OSBPL6: variants seen among roughly 807,000 people sequenced by gnomAD.
OSBPL6 encodes oxysterol binding protein like 6.
A neutral mutation model predicts 125.8 loss-of-function variants in OSBPL6; 49 were observed. That is an observed-to-expected ratio of 0.39 (90% CI 0.31 to 0.49). The LOEUF is 0.49. OSBPL6 is among the 20% of genes least tolerant of loss of function. OSBPL6 has a pLI of 0.88. For synonymous variants in OSBPL6, 394 were observed against 391.8 expected (o/e 1.01, Z -0.07); for missense variants, 986 against 1,135.4 (o/e 0.87, Z 1.89).
In OSBPL6 at chr2:178,373,886, G is replaced by T; in HGVS notation, c.1396-4G>T. ...ATTACACTGTATGCTTCTGTCTTCT[G>T]CAGGCTGGTGAGCAAATCCATGTCA... is the stretch of plus-strand genomic sequence containing the variant. On this transcript the variant is annotated splice_region_variant and splice_polypyrimidine_tract_variant and intron_variant, in intron 14 of 24. Coordinates refer to ENST00000190611, the MANE Select transcript of OSBPL6 (RefSeq NM_032523.4). 6.2e-7 allele frequency: 1 copy of T among 1,613,916 alleles called. No homozygotes were observed. Among genetic ancestry groups the T allele is most frequent in the African/African-American group, 1.3e-5 (1 of 75,042 alleles).
chr2:178,289,468 A>T (rs1442708677), intron 2 of OSBPL6, among the ~76,000 whole-genome samples: 1 of 152,228 alleles, frequency 6.6e-6, no homozygotes, highest in African/African-American at 2.4e-5. Context: ...AGAAGTAGAC[A>T]TCATGTCATA....
rs150306670 is a variant in OSBPL6 at position 178,388,305 on chromosome 2, G to A, written c.2157-704G>A. On this transcript the variant is annotated intron_variant, in intron 20 of 24. Coordinates refer to ENST00000190611, the MANE Select transcript of OSBPL6 (RefSeq NM_032523.4). Reference sequence around the variant, plus strand: ...TCACATCTGAGGTCTTAAACCTGGAGTACAAAACAGTGTTCCCAGAGTGAT... The same window carrying A: ...TCACATCTGAGGTCTTAAACCTGGAATACAAAACAGTGTTCCCAGAGTGAT... Among the ~76,000 whole-genome samples the A allele has an allele frequency of 7.2e-5, 11 of 152,266 alleles. No homozygotes were observed. The East Asian group carries it at 2.1e-3, about 29-fold the overall frequency.
chr2:178,341,333 C>CT (rs60436384), intron 11 of OSBPL6, among the ~76,000 whole-genome samples: 12,029 of 117,352 alleles, frequency 0.1, 975 homozygotes, highest in African/African-American at 0.21. Flanking sequence ...CCAAATCATT[C>CT]TTTTTTTTTT....
At chr2:178,328,646 C>G (rs868326845) in intron 5 of OSBPL6, among the ~76,000 whole-genome samples, 2 of 152,090 alleles carry the variant, frequency 1.3e-5, no homozygotes, top group East Asian at 1.9e-4. Flanking sequence ...TGCCACCATG[C>G]CTGACTAATT....
chr2:178,214,688 G>A (rs1036175805), intron 1 of OSBPL6, among the ~76,000 whole-genome samples: 9 of 152,190 alleles, frequency 5.9e-5, no homozygotes, highest in African/African-American at 2.2e-4. Context: ...GCTCATGCCT[G>A]TAATCCCAGC....
At chr2:178,392,933 A>T (rs746213118) in intron 23 of OSBPL6, among the ~76,000 whole-genome samples, 1 of 151,134 alleles carries the variant, frequency 6.6e-6, no homozygotes, top group African/African-American at 2.4e-5. Flanking sequence ...TACTACCATC[A>T]TGTATTTTTA....
chr2:178,247,515 C>G (rs1009402246), intron 1 of OSBPL6, among the ~76,000 whole-genome samples: 9 of 152,152 alleles, frequency 5.9e-5, no homozygotes, highest in Admixed American at 2.0e-4. Flanking sequence ...TGGCCCAGGA[C>G]AGTGCTGGTG....
chr2:178,269,142 A>C (rs1450934080), intron 1 of OSBPL6, among the ~76,000 whole-genome samples: 1 of 152,178 alleles, frequency 6.6e-6, no homozygotes, highest in Non-Finnish European at 1.5e-5. Context: ...TTTATTATAA[A>C]GGATACAGTT....
At chr2:178,207,207 A>G (rs1286918443) in intron 1 of OSBPL6, among the ~76,000 whole-genome samples, 1 of 152,200 alleles carries the variant, frequency 6.6e-6, no homozygotes. Context: ...TTAGTGGCTT[A>G]AAACAACACA....
intron 12 of OSBPL6, among the ~76,000 whole-genome samples, chr2:178,360,328 C>A (rs925227849): frequency 1.3e-5 from 2 of 152,044 alleles, no homozygotes; most frequent in Admixed American, 6.5e-5. Flanking sequence ...ATATTCAGGA[C>A]TTTTGCTAAA....
At chr2:178,326,411 G>C (rs1264640299) in intron 4 of OSBPL6, among the ~76,000 whole-genome samples, 1 of 152,064 alleles carries the variant, frequency 6.6e-6, no homozygotes. Flanking sequence ...CTTAAGTACT[G>C]ACATGATCAC....
chr2:178,366,580 G>T (rs559573706), intron 13 of OSBPL6, among the ~76,000 whole-genome samples: 43 of 152,266 alleles, frequency 2.8e-4, no homozygotes, highest in African/African-American at 9.4e-4. Context: ...CGGTGAATGT[G>T]GGGGGAAATG....
chr2:178,236,628 A>G (rs1470873832), intron 1 of OSBPL6, among the ~76,000 whole-genome samples: 1 of 152,238 alleles, frequency 6.6e-6, no homozygotes, highest in East Asian at 1.9e-4. Flanking sequence ...AAACAGAGAC[A>G]TATTCTCAAG....
At chr2:178,252,500 A>C (rs2091732220) in intron 1 of OSBPL6, among the ~76,000 whole-genome samples, 1 of 151,744 alleles carries the variant, frequency 6.6e-6, no homozygotes. Flanking sequence ...AAACCAAAAC[A>C]TTTAAACCGG....
chr2:178,265,613 C>G (rs1252584962), intron 1 of OSBPL6, among the ~76,000 whole-genome samples: 1 of 151,956 alleles, frequency 6.6e-6, no homozygotes, highest in Admixed American at 6.6e-5. Flanking sequence ...TTTGTGGTGG[C>G]TTTAAGTGGG....
At chr2:178,331,754 G>A in intron 6 of OSBPL6, 149 bp downstream of exon 6, 2 of 764,600 alleles carry the variant, frequency 2.6e-6, no homozygotes, top group Middle Eastern at 2.4e-4. Context: ...AAACCTCCAT[G>A]TTCTAAAGTG....
intron 1 of OSBPL6, among the ~76,000 whole-genome samples, chr2:178,241,407 C>T (rs561044567): frequency 3.4e-5 from 5 of 146,026 alleles, no homozygotes; most frequent in African/African-American, 1.3e-4. Flanking sequence ...CCACTGCACC[C>T]GGCCAGGGCT....
At chr2:178,299,792 A>C (rs1217356079) in intron 2 of OSBPL6, among the ~76,000 whole-genome samples, 2 of 152,180 alleles carry the variant, frequency 1.3e-5, no homozygotes, top group Non-Finnish European at 2.9e-5. Context: ...AAAAGATATG[A>C]TTCCTTCTTC....
At chr2:178,302,940 T>A (rs1462756835) in intron 2 of OSBPL6, among the ~76,000 whole-genome samples, 3 of 152,194 alleles carry the variant, frequency 2.0e-5, no homozygotes, top group Non-Finnish European at 4.4e-5. Flanking sequence ...CTTGAACGCA[T>A]CACAAAAGTA....
Sources: allele counts gnomAD v4.1 joint callset (sites outside exome capture counted in the v4.1 genomes callset), GRCh38; gene constraint gnomAD v4.1.1; transcripts MANE v1.5; gene names NCBI Gene and HGNC (gene_info 2026-07-23, HGNC 2026-07-21).